TMCO6: variants seen among roughly 807,000 people sequenced by gnomAD.
TMCO6 encodes transmembrane and coiled-coil domain-containing protein 6.
In TMCO6, 47 loss-of-function variants were observed where a neutral mutation model predicts 61.8. The observed-to-expected ratio is 0.76, with a 90% confidence interval of 0.60 to 0.97. The LOEUF is 0.97. Ranked by LOEUF, TMCO6 falls within the 50% of genes least tolerant of loss-of-function variation. The pLI, the probability that TMCO6 is intolerant of heterozygous loss-of-function variation, is 0.00. For synonymous variants in TMCO6, 261 were observed against 254.2 expected, an observed-to-expected ratio of 1.03 and a Z score of -0.25; for missense variants, 557 against 601.6, an observed-to-expected ratio of 0.93 and a Z score of 0.78.
At chr5:140,605,695 ACACACACACAC>A in the TMCO6 span, among the ~76,000 whole-genome samples, 3 of 63,014 alleles carry the variant, frequency 4.8e-5, no homozygotes, top group African/African-American at 2.8e-4. Flanking sequence ...AAAACAAAAC[ACACACACACAC>A]ACACACACAC....
chr5:140,612,443 C>T, the TMCO6 span, among the ~76,000 whole-genome samples: 1 of 151,722 alleles, frequency 6.6e-6, no homozygotes, highest in South Asian at 2.1e-4. Context: ...GGGTTCACGC[C>T]ATTCTCCTGC....
At chr5:140,633,325 AG>A in the TMCO6 span, 3 of 610,280 alleles carry the variant, frequency 4.9e-6, no homozygotes, top group East Asian at 8.4e-5. Flanking sequence ...TGTTTCAGGG[AG>A]GGGGACCGTA....
chr5:140,633,307 A>G, the TMCO6 span: 12 of 619,886 alleles, frequency 1.9e-5, no homozygotes, highest in African/African-American at 7.3e-5. Flanking sequence ...AAATATTGCA[A>G]TGAAGGATGT....
At position 140,642,950 on chromosome 5, in the gene TMCO6, C is replaced by T. The variant is rs1248067497; in HGVS notation, c.715C>T (p.Gln239Ter). Residue 239 changes from glutamine to a stop codon, truncating the protein, a stop_gained, in exon 7 of 12, where the codon CAG (glutamine) becomes TAG (stop). Coordinates refer to ENST00000394671, the MANE Select transcript of TMCO6 (RefSeq NM_018502.5). LOFTEE classifies it high-confidence loss of function. ...IPSILASTLP[Q>*]HMLQMLQPGP... ...CTCCATCTTGGCCTCCACTCTCCCT[C>T]AGCACATGCTACAAATGTTGCAACC... 1 of 1,614,230 alleles carries T rather than the reference C, an allele frequency of 6.2e-7. No homozygotes were observed. Among genetic ancestry groups the T allele is most frequent in the Admixed American group, 1.7e-5 (1 of 60,022 alleles).
At chr5:140,621,134 A>C in the TMCO6 span, among the ~76,000 whole-genome samples, 1 of 152,144 alleles carries the variant, frequency 6.6e-6, no homozygotes, top group Non-Finnish European at 1.5e-5. Flanking sequence ...TATTGGACCC[A>C]CTGCCTCTCT....
At chr5:140,632,399 G>T in the TMCO6 span, 32 of 1,614,072 alleles carry the variant, frequency 2.0e-5, no homozygotes, top group Non-Finnish European at 2.5e-5. This position sits in a 1 kb window ranked among gnomAD's most constrained non-coding sequence, Gnocchi z 6.2. Context: ...GGCTGGTAAG[G>T]GCCGGGAAGG....
the TMCO6 span, among the ~76,000 whole-genome samples, chr5:140,600,527 G>A: frequency 9.3e-5 from 14 of 150,900 alleles, no homozygotes; most frequent in African/African-American, 2.7e-4. Context: ...GTACAGTGGC[G>A]CGATCTCGGC....
rs577824878 is a variant in TMCO6 at position 140,644,203 on chromosome 5, T to C, written c.1200+9T>C. 2.5e-6 allele frequency: 4 copies of C among 1,613,108 alleles called. No individual in the cohort carries two copies. The African/African-American group carries it at 4.0e-5, about 16-fold the overall frequency. On this transcript the variant is annotated intron_variant, in intron 10 of 11. Transcript: ENST00000394671. Reference sequence around the variant, plus strand: ...ACGTGGTGAGCGTAATGGTATGTATTGGGGTTACTTGAATCCAAGATCTGG... The same window carrying C: ...ACGTGGTGAGCGTAATGGTATGTATCGGGGTTACTTGAATCCAAGATCTGG...
At chr5:140,632,902 C>T in the TMCO6 span, 5 of 1,614,194 alleles carry the variant, frequency 3.1e-6, no homozygotes, top group Admixed American at 8.3e-5. The surrounding 1 kb of genome is among the most constrained non-coding windows in gnomAD (Gnocchi z 6.2). Context: ...TCTTCATCGT[C>T]CAGCTCACAA....
chr5:140,611,875 T>A, the TMCO6 span, among the ~76,000 whole-genome samples: 7 of 152,300 alleles, frequency 4.6e-5, no homozygotes, highest in Admixed American at 2.0e-4. Context: ...AAGTCAGTGT[T>A]CAATGTCTTC....
At chr5:140,619,939 G>A in the TMCO6 span, among the ~76,000 whole-genome samples, 5 of 152,224 alleles carry the variant, frequency 3.3e-5, no homozygotes, top group Non-Finnish European at 7.3e-5. Flanking sequence ...ATTCATTGCT[G>A]GTGGAAATGC....
upstream of TMCO6, chr5:140,638,640 T>G (rs1488552663): frequency 6.6e-6 from 1 of 150,782 alleles, no homozygotes; most frequent in Non-Finnish European, 1.5e-5. Context: ...CACTGCAATC[T>G]CCGCCTCCCG....
chr5:140,602,551 G>A, the TMCO6 span, among the ~76,000 whole-genome samples: 1 of 151,878 alleles, frequency 6.6e-6, no homozygotes, highest in African/African-American at 2.4e-5. Context: ...ATCACTTGAG[G>A]TCAGGAGTTT....
At chr5:140,636,887 A>C (rs1250197971), upstream of TMCO6, among the ~76,000 whole-genome samples, 1 of 152,246 alleles carries the variant, frequency 6.6e-6, no homozygotes. Flanking sequence ...GGTTTCCTGT[A>C]AAAATTCTTA....
At chr5:140,605,967 C>T in the TMCO6 span, among the ~76,000 whole-genome samples, 9 of 151,936 alleles carry the variant, frequency 5.9e-5, no homozygotes, top group Middle Eastern at 3.2e-3. Flanking sequence ...ATCTAGATTA[C>T]CTAATTTGTT....
At chr5:140,624,626 C>A in the TMCO6 span, among the ~76,000 whole-genome samples, 134 of 152,072 alleles carry the variant, frequency 8.8e-4, 1 homozygote, top group Non-Finnish European at 1.5e-5. Context: ...TCTTGGCTCG[C>A]TGCACCTCTG....
downstream of TMCO6, chr5:140,647,175 G>T: frequency 1.4e-6 from 2 of 1,428,364 alleles, no homozygotes; most frequent in African/African-American, 1.4e-5. Flanking sequence ...ACGGGTTTCT[G>T]CACGACCTTG....
At chr5:140,601,296 G>C in the TMCO6 span, among the ~76,000 whole-genome samples, 8 of 151,628 alleles carry the variant, frequency 5.3e-5, no homozygotes, top group Non-Finnish European at 1.0e-4. Flanking sequence ...CAATGGCTGT[G>C]GGGGTATGGG....
chr5:140,618,804 C>A, the TMCO6 span, among the ~76,000 whole-genome samples: 4 of 151,896 alleles, frequency 2.6e-5, no homozygotes, highest in Admixed American at 1.3e-4. Context: ...AGATTTTATA[C>A]CCTTTGAAAA....
Sources: allele counts gnomAD v4.1 joint callset (sites outside exome capture counted in the v4.1 genomes callset), GRCh38; gene constraint gnomAD v4.1.1; non-coding constraint Gnocchi (gnomAD v3.1); transcripts MANE v1.5; gene names NCBI Gene and HGNC (gene_info 2026-07-23, HGNC 2026-07-21).